DNAJC1: variants seen among roughly 807,000 people sequenced by gnomAD.
DNAJC1 encodes DnaJ heat shock protein family (Hsp40) member C1.
Under a neutral mutation model 76.6 loss-of-function variants are expected in DNAJC1, and 58 were observed. The ratio of observed to expected loss-of-function variants is 0.76; its 90% CI spans 0.61 to 0.94. DNAJC1 has a LOEUF of 0.94. Ranked by LOEUF, DNAJC1 falls within the 40% of genes least tolerant of loss-of-function variation. The pLI is 0.00. For missense variants in DNAJC1, 689 were observed against 677.3 expected (o/e 1.02, Z -0.19); for synonymous variants, 258 against 267.9 (o/e 0.96, Z 0.36).
At chr10:21,826,909 TAGTA>T (rs1835266904) in intron 8 of DNAJC1, among the ~76,000 whole-genome samples, 1 of 152,160 alleles carries the variant, frequency 6.6e-6, no homozygotes. Flanking sequence ...TGTAGCTTTG[TAGTA>T]AGTTGCAAAA....
chr10:21,830,102 G>C (rs1231820550), intron 8 of DNAJC1, among the ~76,000 whole-genome samples: 1 of 151,980 alleles, frequency 6.6e-6, no homozygotes. Context: ...GTTTTAGTTT[G>C]TTTTACCTTG....
chr10:21,945,044 T>C (rs1837483085), intron 1 of DNAJC1, among the ~76,000 whole-genome samples: 1 of 152,222 alleles, frequency 6.6e-6, no homozygotes, highest in Non-Finnish European at 1.5e-5. Flanking sequence ...TAGTAGTTTG[T>C]ATTAGACATA....
At position 21,867,144 on chromosome 10, in the gene DNAJC1, A is replaced by G. The variant is rs1009821985; in HGVS notation, c.978+15138T>C. ...AATTAAACTCAAAGTAAAATGAAAG[A>G]AAAAATAAAACAGTTGAAATCAGTA... On this transcript the variant is annotated intron_variant, in intron 8 of 11. Coordinates refer to ENST00000376980, the MANE Select transcript of DNAJC1 (RefSeq NM_022365.4). Among the ~76,000 whole-genome samples, 9 of 152,262 alleles carry G rather than the reference A, an allele frequency of 5.9e-5. No homozygotes were observed. The South Asian group carries it at 1.2e-3, about 21-fold the overall frequency.
At chr10:21,794,445 C>T (rs984360763) in intron 9 of DNAJC1, among the ~76,000 whole-genome samples, 3 of 151,988 alleles carry the variant, frequency 2.0e-5, no homozygotes, top group African/African-American at 7.2e-5. Flanking sequence ...TGAATTTGAA[C>T]ATTCAAAATT....
At chr10:21,758,124 T>C (rs1218494891) in intron 11 of DNAJC1, among the ~76,000 whole-genome samples, 2 of 152,132 alleles carry the variant, frequency 1.3e-5, no homozygotes, top group African/African-American at 4.8e-5. Flanking sequence ...ACTTTAATCA[T>C]TTTAAAGTAG....
intron 6 of DNAJC1, among the ~76,000 whole-genome samples, chr10:21,906,362 T>C (rs573574581): frequency 6.6e-6 from 1 of 151,760 alleles, no homozygotes; most frequent in Non-Finnish European, 1.5e-5. Context: ...CCCACCCCCC[T>C]TAAAAAAAGT....
At chr10:21,911,170 G>C (rs1564825107) in intron 6 of DNAJC1, among the ~76,000 whole-genome samples, 1 of 151,990 alleles carries the variant, frequency 6.6e-6, no homozygotes, top group Non-Finnish European at 1.5e-5. Context: ...GTCCTGATGG[G>C]AATAAGGAAC....
At chr10:21,797,395 ATTC>A (rs1389673008) in intron 9 of DNAJC1, among the ~76,000 whole-genome samples, 1 of 152,126 alleles carries the variant, frequency 6.6e-6, no homozygotes, top group Non-Finnish European at 1.5e-5. Context: ...CTCCAGTTTT[ATTC>A]TTCTTTCTCA....
At chr10:21,909,331 G>A (rs191025245) in intron 6 of DNAJC1, among the ~76,000 whole-genome samples, 1 of 152,294 alleles carries the variant, frequency 6.6e-6, no homozygotes, top group Admixed American at 6.5e-5. Context: ...TCCTGCACAA[G>A]AAGACATTAA....
At chr10:21,956,351 T>C (rs1247248326) in intron 1 of DNAJC1, among the ~76,000 whole-genome samples, 1 of 152,144 alleles carries the variant, frequency 6.6e-6, no homozygotes, top group Non-Finnish European at 1.5e-5. Context: ...AGGGATTAAG[T>C]TTCCAACACA....
intron 1 of DNAJC1, among the ~76,000 whole-genome samples, chr10:21,982,139 G>A (rs922744729): frequency 5.9e-5 from 9 of 152,080 alleles, no homozygotes; most frequent in Non-Finnish European, 8.8e-5. Context: ...ATTCTGTAAC[G>A]AAGTCTCTTT....
At chr10:21,911,746 A>G (rs1836867601) in intron 6 of DNAJC1, among the ~76,000 whole-genome samples, 1 of 152,208 alleles carries the variant, frequency 6.6e-6, no homozygotes, top group Non-Finnish European at 1.5e-5. Context: ...CCATTTTATG[A>G]TGGTGAGATA....
chr10:21,904,784 T>C (rs1836715375), intron 6 of DNAJC1, among the ~76,000 whole-genome samples, 172 bp from the exon 7 acceptor site: 1 of 152,172 alleles, frequency 6.6e-6, no homozygotes, highest in Non-Finnish European at 1.5e-5. Context: ...TTTTCTCTCC[T>C]GGAGAGCCAG....
chr10:21,773,870 G>A (rs1834421428), intron 9 of DNAJC1, among the ~76,000 whole-genome samples: 2 of 151,296 alleles, frequency 1.3e-5, no homozygotes, highest in East Asian at 1.9e-4. Flanking sequence ...GGCCGGGCGC[G>A]GTGGCTCACG....
At chr10:21,813,760 G>T (rs1279630723) in intron 8 of DNAJC1, among the ~76,000 whole-genome samples, 3 of 152,140 alleles carry the variant, frequency 2.0e-5, no homozygotes, top group Non-Finnish European at 4.4e-5. Context: ...CATGTTTATT[G>T]CCTGTTGTAA....
chr10:21,758,200 A>G (rs1440691747), intron 11 of DNAJC1, among the ~76,000 whole-genome samples: 1 of 152,074 alleles, frequency 6.6e-6, no homozygotes, highest in Non-Finnish European at 1.5e-5. Flanking sequence ...TCCAACATAG[A>G]ATTTCAATTA....
At chr10:21,813,180 CT>C in intron 8 of DNAJC1, among the ~76,000 whole-genome samples, 1 of 12,816 alleles carries the variant, frequency 7.8e-5, no homozygotes, top group African/African-American at 5.1e-4. Flanking sequence ...CTCTCCCTCT[CT>C]CTCTCTCTCT....
intron 3 of DNAJC1, among the ~76,000 whole-genome samples, chr10:21,928,296 C>T (rs564566437): frequency 1.3e-5 from 2 of 152,244 alleles, no homozygotes; most frequent in African/African-American, 4.8e-5. Flanking sequence ...ACTCAAAATC[C>T]TGAAGCTTGT....
rs553532647 is a variant in DNAJC1 at position 21,783,723 on chromosome 10, A to T, written c.1099-17414T>A. Among the ~76,000 whole-genome samples the T allele has an allele frequency of 3.5e-3, 528 of 152,334 alleles. 1 individual carries two copies. Among genetic ancestry groups the T allele is most frequent in the Non-Finnish European group, 4.3e-3 (291 of 68,030 alleles). On this transcript the variant is annotated intron_variant, in intron 9 of 11. Transcript: ENST00000376980. ...ACAGAGATACAGACCAATGGAACAG[A>T]ACAGAGCCCTCAGAAATAACACCAC...
Sources: gnomAD v4.1 joint callset for allele counts (sites outside exome capture counted in the v4.1 genomes callset) on GRCh38, gnomAD v4.1.1 for gene constraint, MANE v1.5 for transcripts, NCBI Gene and HGNC (gene_info 2026-07-23, HGNC 2026-07-21) for gene names.